Variants in WWOX observed in about 807,000 individuals in gnomAD.
WWOX encodes the protein WW domain containing oxidoreductase, also known as WW domain-containing oxidoreductase.
Under a neutral mutation model 46.2 loss-of-function variants are expected in WWOX, and 69 were observed. That is an observed-to-expected ratio of 1.49 (90% CI 1.23 to 1.82). The LOEUF (loss-of-function observed/expected upper bound fraction) is 1.82. Ranked by LOEUF, WWOX falls within the 40% of genes most tolerant of loss-of-function variation. WWOX has a pLI of 0.00. For synonymous variants in WWOX, 359 were observed against 202.6 expected, an observed-to-expected ratio of 1.77 and a Z score of -6.56; for missense variants, 919 against 542.6, an observed-to-expected ratio of 1.69 and a Z score of -6.89.
chr16:78,401,959 A>G (rs897020190), intron 6 of WWOX, among the ~76,000 whole-genome samples: 1 of 152,198 alleles, frequency 6.6e-6, no homozygotes, highest in Non-Finnish European at 1.5e-5. Context: ...CTGTAATCCC[A>G]AAGTGCTGGG....
intron 6 of WWOX, among the ~76,000 whole-genome samples, chr16:78,415,859 C>G (rs111556629): frequency 5.3e-5 from 8 of 152,280 alleles, no homozygotes; most frequent in African/African-American, 1.4e-4. Flanking sequence ...GGGATGTCCT[C>G]TGGCCCAGAA....
intron 8 of WWOX, among the ~76,000 whole-genome samples, chr16:79,044,381 G>T (rs931140355): frequency 1.3e-5 from 2 of 152,166 alleles, no homozygotes; most frequent in Non-Finnish European, 2.9e-5. Context: ...GGTCATGGGG[G>T]TGGATTTCTC....
intron 5 of WWOX, among the ~76,000 whole-genome samples, chr16:78,307,680 G>A (rs2080159352): frequency 6.6e-6 from 1 of 152,178 alleles, no homozygotes; most frequent in South Asian, 2.1e-4. Flanking sequence ...TAAGATCATG[G>A]TTATTTGTTA....
chr16:78,600,633 A>G (rs1360688155), intron 8 of WWOX, among the ~76,000 whole-genome samples: 1 of 152,078 alleles, frequency 6.6e-6, no homozygotes, highest in African/African-American at 2.4e-5. Context: ...CTGTGGCATG[A>G]CTGAGACTAT....
At chr16:78,856,450 C>G (rs1567606971) in intron 8 of WWOX, among the ~76,000 whole-genome samples, 1 of 152,130 alleles carries the variant, frequency 6.6e-6, no homozygotes, top group African/African-American at 2.4e-5. Flanking sequence ...CGAGACCAGC[C>G]TGGCCAACAT....
At chr16:78,958,658 C>G (rs1296667975) in intron 8 of WWOX, among the ~76,000 whole-genome samples, 2 of 152,162 alleles carry the variant, frequency 1.3e-5, no homozygotes, top group Admixed American at 1.3e-4. Flanking sequence ...AAAGGTTTCT[C>G]TGGTTTTCTT....
At chr16:78,109,530 A>G (rs2032361868) in intron 2 of WWOX, among the ~76,000 whole-genome samples, 1 of 152,234 alleles carries the variant, frequency 6.6e-6, no homozygotes, top group Non-Finnish European at 1.5e-5. Context: ...AGTATGGTTT[A>G]TAGAGCGATC....
intron 8 of WWOX, among the ~76,000 whole-genome samples, chr16:78,904,964 A>G (rs6564622): frequency 0.99 from 150,062 of 152,290 alleles, 73,951 homozygotes; most frequent in Middle Eastern, 1. Context: ...TCCCATCCTT[A>G]TCCTACCTCC....
intron 8 of WWOX, among the ~76,000 whole-genome samples, chr16:78,884,729 A>T (rs2044417386): frequency 6.6e-6 from 1 of 152,182 alleles, no homozygotes; most frequent in Non-Finnish European, 1.5e-5. Flanking sequence ...TTGCTTGTTC[A>T]AGCTACTGGG....
intron 8 of WWOX, among the ~76,000 whole-genome samples, chr16:79,171,412 T>G (rs546340372): frequency 2.0e-5 from 3 of 152,220 alleles, no homozygotes; most frequent in African/African-American, 7.2e-5. Context: ...TTATTAGCTC[T>G]CTCCATTTTT....
chr16:78,677,446 C>CA lies in WWOX; in HGVS notation c.1056+244702dup, dbSNP rs1292385645. The stretch of plus-strand genomic sequence containing the variant: ...AACGTTTTCAAGTTGAGAAGTTTCA[C>CA]AAAAAAAATTCGGATTTCCAGCTTC... On this transcript the variant is annotated intron_variant, in intron 8 of 8. Transcript: ENST00000566780. Among the ~76,000 whole-genome samples, 7 of 152,106 alleles carry CA rather than the reference C, an allele frequency of 4.6e-5. No individual in the cohort carries two copies. In the East Asian group the frequency reaches 7.7e-4, roughly 17 times the overall value.
chr16:78,260,430 C>T lies in WWOX; in HGVS notation c.516+96141C>T, dbSNP rs148656442. Among the ~76,000 whole-genome samples, 229 of 151,514 alleles carry T rather than the reference C, an allele frequency of 1.5e-3. 9 individuals carry two copies. The highest frequency in any genetic ancestry group is 5.1e-3 in the African/African-American group (211 of 41,226). ...CTGTAATCCCAGCACTTTGGGAGGCCAAGGCGGGCAGATCACTTGAGGCCA... is the reference window on the plus strand; with the variant it reads ...CTGTAATCCCAGCACTTTGGGAGGCTAAGGCGGGCAGATCACTTGAGGCCA... On this transcript the variant is annotated intron_variant, in intron 5 of 8. Transcript: ENST00000566780.
intron 8 of WWOX, among the ~76,000 whole-genome samples, chr16:78,920,674 G>C (rs932651633): frequency 6.6e-6 from 1 of 152,142 alleles, no homozygotes; most frequent in Non-Finnish European, 1.5e-5. Flanking sequence ...ACACTCCTTT[G>C]TCTTTCAGAG....
intron 8 of WWOX, among the ~76,000 whole-genome samples, chr16:79,103,227 C>G (rs2049238503): frequency 6.6e-6 from 1 of 152,210 alleles, no homozygotes; most frequent in Non-Finnish European, 1.5e-5. Flanking sequence ...GTTGCCGAAG[C>G]AGCTGGACTC....
At chr16:78,491,713 C>T (rs1025121060) in intron 8 of WWOX, among the ~76,000 whole-genome samples, 1 of 152,140 alleles carries the variant, frequency 6.6e-6, no homozygotes, top group African/African-American at 2.4e-5. Context: ...AAATGGGAAT[C>T]ACTGACTGAA....
At chr16:78,357,977 G>A (rs1195316395) in intron 5 of WWOX, among the ~76,000 whole-genome samples, 2 of 152,134 alleles carry the variant, frequency 1.3e-5, no homozygotes, top group Admixed American at 6.5e-5. Context: ...ATACAACTGG[G>A]GACCTGTTGC....
chr16:78,432,607 C>T lies in WWOX; in HGVS notation c.911C>T (p.Ser304Phe), dbSNP rs1282842647. Reference protein sequence around the residue: ...NRSKLCNILFSNELHRRLSPR... With the variant: ...NRSKLCNILFFNELHRRLSPR... The stretch of plus-strand genomic sequence containing the variant: ...TCCAAGCTCTGCAACATCCTCTTCT[C>T]CAACGAGCTGCACCGTCGCCTCTCC... Residue 304 changes from serine (S) to phenylalanine (F), a missense_variant, in exon 8 of 9, where the codon TCC (serine) becomes TTC (phenylalanine). Transcript: ENST00000566780. The T allele has an allele frequency of 6.2e-7, 1 of 1,614,230 alleles. No individual in the cohort carries two copies. The highest frequency in any genetic ancestry group is 8.5e-7 in the Non-Finnish European group (1 of 1,180,052).
At chr16:78,782,666 CT>C (rs59862391) in intron 8 of WWOX, among the ~76,000 whole-genome samples, 5,806 of 131,754 alleles carry the variant, frequency 0.044, 68 homozygotes, top group African/African-American at 0.054. Context: ...TTTTCTATAT[CT>C]TTTTTTTTTT....
intron 8 of WWOX, among the ~76,000 whole-genome samples, chr16:78,821,875 A>G (rs1048570031): frequency 6.6e-6 from 1 of 152,172 alleles, no homozygotes; most frequent in African/African-American, 2.4e-5. Flanking sequence ...ATCTTCAAAT[A>G]TTAAAATAAA....
Sources: allele counts gnomAD v4.1 joint callset (sites outside exome capture counted in the v4.1 genomes callset), GRCh38; gene constraint gnomAD v4.1.1; transcripts MANE v1.5; gene names NCBI Gene and HGNC (gene_info 2026-07-23, HGNC 2026-07-21).